The following CAPN15 variants were observed in gnomAD, a reference collection of about 807,000 sequenced individuals.
CAPN15 encodes calpain 15.
In CAPN15, 53 loss-of-function variants were observed where a neutral mutation model predicts 97.9. The ratio of observed to expected loss-of-function variants is 0.54; its 90% CI spans 0.43 to 0.68. The LOEUF is 0.68. CAPN15 is among the 30% of genes least tolerant of loss of function. The probability of loss-of-function intolerance (pLI) is 0.00; values close to 1 mark genes in which losing one functional copy is unlikely to be tolerated. For synonymous variants in CAPN15, 922 were observed against 722.5 expected (o/e 1.28, Z -4.43); for missense variants, 1,592 against 1,589.8 (o/e 1.00, Z -0.02).
At chr16:528,439 G>A (rs932560585) in intron 1 of CAPN15, among the ~76,000 whole-genome samples, 3 of 152,208 alleles carry the variant, frequency 2.0e-5, no homozygotes, top group Non-Finnish European at 2.9e-5. Flanking sequence ...TGCTTGGTGC[G>A]GGCATCACTC....
rs1372052100 is a variant in CAPN15 at position 549,216 on chromosome 16, AAGGCC to A, written c.1658+16_1658+20del. The A allele has an allele frequency of 2.5e-5, 6 of 242,984 alleles. No individual in the cohort carries two copies. Among genetic ancestry groups the A allele is most frequent in the Non-Finnish European group, 4.4e-5 (6 of 136,788 alleles). The allele number at this position is 242,984 out of a possible 1,614,324, so 15.1% of individuals were successfully genotyped here. On this transcript the variant is annotated intron_variant, in intron 5 of 13. Transcript: ENST00000219611. ...GGGAACTGCTGGTGAGGCCTTCTCC[AAGGCC>A]GGGGTGGGGCGGGTGGGCGGGCGAC...
At chr16:541,397 G>A (rs541137196) in intron 3 of CAPN15, among the ~76,000 whole-genome samples, 13 of 152,310 alleles carry the variant, frequency 8.5e-5, no homozygotes, top group African/African-American at 2.4e-4. Flanking sequence ...GGGGAGCCCT[G>A]GAGCCCTGTC....
In CAPN15 at chr16:551,585, C is replaced by A; in HGVS notation, c.2266C>A (p.Pro756Thr). The A allele has an allele frequency of 1.2e-6, 2 of 1,610,750 alleles. No individual in the cohort carries two copies. The highest frequency in any genetic ancestry group is 1.7e-6 in the Non-Finnish European group (2 of 1,179,512). ...GSWSDEWPHW[P>T]GHLRGELMPH... is the part of the protein sequence containing the mutation. ...CTGGTCCGACGAGTGGCCACACTGG[C>A]CGGGGCACCTGCGTGGCGAGCTCAT... The change falls in exon 9 of 14, where the codon CCG (proline) becomes ACG (threonine). Residue 756 changes from proline to threonine, a missense_variant. Transcript: ENST00000219611.
chr16:534,047 T>A, intron 2 of CAPN15, 49 bp downstream of exon 2: 1 of 924,730 alleles, frequency 1.1e-6, no homozygotes, highest in Non-Finnish European at 1.3e-6. Context: ...TTGCTTGCGC[T>A]GCAGAACTGT....
Position 549,694 on chromosome 16 carries a change from C to T in CAPN15, c.1922C>T (p.Ala641Val), listed in dbSNP as rs1225063940. ...CACGGCTCCTACTTTGCGCTCCAGGCGGGCCGCGCCATCGAAGGCCTGGCC... is the reference window on the plus strand; with the variant it reads ...CACGGCTCCTACTTTGCGCTCCAGGTGGGCCGCGCCATCGAAGGCCTGGCC... The part of the protein sequence containing the change: ...KLHGSYFALQ[A>V]GRAIEGLATL... Residue 641 changes from alanine (A) to valine (V), a missense_variant, in exon 7 of 14, where the codon GCG becomes GTG. Physicochemically the swap from Ala to Val is moderately conservative, Grantham distance 64. Around this residue, in one of 3 missense-constraint regions of CAPN15, gnomAD observed 644 missense variants for 699.6 expected, o/e 0.92. Transcript: ENST00000219611. 5 of 1,562,412 alleles carry T rather than the reference C, an allele frequency of 3.2e-6. No individual in the cohort carries two copies. Among genetic ancestry groups the T allele is most frequent in the Admixed American group, 1.8e-5 (1 of 54,340 alleles).
chr16:530,871 C>T (rs971854556), intron 1 of CAPN15, among the ~76,000 whole-genome samples: 2 of 152,220 alleles, frequency 1.3e-5, no homozygotes, highest in East Asian at 1.9e-4. Flanking sequence ...GCAGTGTGGC[C>T]GCCCTCCCCA....
chr16:546,164 C>T (rs934617721), intron 3 of CAPN15, among the ~76,000 whole-genome samples: 1 of 152,272 alleles, frequency 6.6e-6, no homozygotes, highest in Non-Finnish European at 1.5e-5. Flanking sequence ...TCACGGAGTT[C>T]GCTCGGCTCC....
rs1434590495 is a variant in CAPN15 at position 554,513 on chromosome 16, G to A, written c.*997G>A. 4.4e-6 allele frequency: 2 copies of A among 455,906 alleles called. No individual in the cohort carries two copies. The highest frequency in any genetic ancestry group is 1.4e-4 in the East Asian group (2 of 14,408). The allele number at this position is 455,906 out of a possible 1,614,324, so 28.2% of individuals were successfully genotyped here. On this transcript the variant is annotated 3_prime_UTR_variant, in exon 14 of 14. Transcript: ENST00000219611. ...GAATATTTTTAACCCTGTAAATACG[G>A]CCAGCTCTTGTGACACAGAGACTAT...
intron 3 of CAPN15, among the ~76,000 whole-genome samples, chr16:542,983 G>A (rs11862615): frequency 0.017 from 2,531 of 150,268 alleles, 73 homozygotes; most frequent in East Asian, 0.08. Flanking sequence ...CTTGGGAGGC[G>A]GAGGTTGCAG....
intron 1 of CAPN15, chr16:528,653 C>CA: frequency 1.1e-6 from 1 of 884,894 alleles, no homozygotes; most frequent in Non-Finnish European, 1.4e-6. Flanking sequence ...CTTGTGTGGT[C>CA]AGCTGGCCCT....
In CAPN15 at chr16:554,551, C is replaced by T. The variant is rs538966571; in HGVS notation, c.*1035C>T. ...ACACAGAGACTATTTTATCAATTGT[C>T]AGTCCCGTTCCTTTACCATAGGATT... On this transcript the variant is annotated 3_prime_UTR_variant, in exon 14 of 14. Transcript: ENST00000219611. The T allele has an allele frequency of 2.2e-6, 1 of 456,242 alleles. No homozygotes were observed. Among genetic ancestry groups the T allele is most frequent in the Admixed American group, 2.3e-5 (1 of 42,576 alleles). 28.3% of individuals were successfully genotyped at this position (456,242 alleles called of 1,614,324 possible). A position where few individuals can be genotyped will look rare whatever the true frequency, so the allele number is the denominator to read the frequency against.
At chr16:534,732 G>T (rs1008959692) in intron 2 of CAPN15, among the ~76,000 whole-genome samples, 19 of 152,318 alleles carry the variant, frequency 1.2e-4, no homozygotes, top group Admixed American at 1.0e-3. Context: ...GCGCAGTGGG[G>T]TTGCCGTGGG....
chr16:545,046 G>A (rs985179544), intron 3 of CAPN15, among the ~76,000 whole-genome samples: 3 of 151,800 alleles, frequency 2.0e-5, no homozygotes, highest in Admixed American at 2.0e-4. Context: ...GCTCAGGCCT[G>A]GCTTTGGGTC....
At position 552,021 on chromosome 16, in the gene CAPN15, C is replaced by G. The variant is rs1235933170; in HGVS notation, c.2346-30C>G. ...CCACGGAGGTGTGGGCCGTGGTAGGCTCAGGGCCCCGTCCTCCCGCCACCT... is the reference window on the plus strand; with the variant it reads ...CCACGGAGGTGTGGGCCGTGGTAGGGTCAGGGCCCCGTCCTCCCGCCACCT... On this transcript the variant is annotated intron_variant, in intron 9 of 13. Transcript: ENST00000219611. The surrounding 1 kb of genome is among the most constrained non-coding windows in gnomAD (Gnocchi z 6.4). 2 of 1,544,598 alleles carry G rather than the reference C, an allele frequency of 1.3e-6. No homozygotes were observed. The highest frequency in any genetic ancestry group is 1.7e-6 in the Non-Finnish European group (2 of 1,144,576).
In CAPN15 at chr16:536,095, A is replaced by G; in HGVS notation, c.-70A>G. 2.1e-6 allele frequency: 2 copies of G among 969,974 alleles called. No homozygotes were observed. The highest frequency in any genetic ancestry group is 2.4e-6 in the Non-Finnish European group (2 of 827,518). The allele number at this position is 969,974 out of a possible 1,614,324, so 60.1% of individuals were successfully genotyped here. ...GTCCTCGGGGCCACTGCACTGGGTG[A>G]TTCACGTGTGCCCAGGCCCTGAGGT... is the stretch of plus-strand genomic sequence containing the variant. On this transcript the variant is annotated 5_prime_UTR_variant, in exon 3 of 14. Transcript: ENST00000219611.
intron 7 of CAPN15, among the ~76,000 whole-genome samples, chr16:550,941 TC>T (rs1347772104): frequency 9.2e-5 from 6 of 65,240 alleles, no homozygotes; most frequent in African/African-American, 4.2e-4. Flanking sequence ...TCGGTGAGGG[TC>T]CCCTGTCTGT....
At chr16:550,498 T>C (rs2142058530) in intron 7 of CAPN15, among the ~76,000 whole-genome samples, 1 of 152,308 alleles carries the variant, frequency 6.6e-6, no homozygotes. Context: ...CTGCTGCGCC[T>C]GCCTGTCTTG....
chr16:533,997 A>G lies in CAPN15; in HGVS notation c.-138A>G, dbSNP rs947415976. On this transcript the variant is annotated splice_region_variant and 5_prime_UTR_variant, in exon 2 of 14. Transcript: ENST00000219611. ...GGGCCTGGGAGCTTGCTGCAGCTTC[A>G]GGTGAGTTTGTTCCCAAGCCCTGCG... 3.0e-6 allele frequency: 3 copies of G among 985,162 alleles called. No individual in the cohort carries two copies. Among genetic ancestry groups the G allele is most frequent in the Non-Finnish European group, 3.6e-6 (3 of 829,796 alleles). The allele number at this position is 985,162 out of a possible 1,614,324, so 61.0% of individuals were successfully genotyped here. A position where few individuals can be genotyped will look rare whatever the true frequency, so the allele number is the denominator to read the frequency against.
chr16:541,016 C>T (rs780398840), intron 3 of CAPN15, among the ~76,000 whole-genome samples: 3 of 152,352 alleles, frequency 2.0e-5, no homozygotes, highest in African/African-American at 7.2e-5. Flanking sequence ...CTGCAGTGGC[C>T]GCCGTTGCTC....
Sources: allele counts gnomAD v4.1 joint callset (sites outside exome capture counted in the v4.1 genomes callset), GRCh38; gene constraint gnomAD v4.1.1; regional missense constraint gnomAD v4.1.1; non-coding constraint Gnocchi (gnomAD v3.1); transcripts MANE v1.5; gene names NCBI Gene and HGNC (gene_info 2026-07-23, HGNC 2026-07-21).